The following GMDS variants were observed in gnomAD, a reference collection of about 807,000 sequenced individuals.
GMDS encodes the protein GDP-mannose 4,6-dehydratase, also known as GDP-mannose 4,6 dehydratase.
Under a neutral mutation model 49.9 loss-of-function variants are expected in GMDS, and 20 were observed. That is an observed-to-expected ratio of 0.40 (90% CI 0.28 to 0.58). The LOEUF (loss-of-function observed/expected upper bound fraction) is 0.58. GMDS is among the 20% of genes least tolerant of loss of function. The pLI is 0.42. For synonymous variants in GMDS, 177 were observed against 178.6 expected, an observed-to-expected ratio of 0.99 and a Z score of 0.07; for missense variants, 362 against 481.4, an observed-to-expected ratio of 0.75 and a Z score of 2.32.
chr6:1,652,698 TTA>T (rs57897372), intron 9 of GMDS, among the ~76,000 whole-genome samples: 447 of 1,886 alleles, frequency 0.24, 162 homozygotes, highest in East Asian at 0.53. Flanking sequence ...ATATAATATA[TTA>T]TATATATATA....
At chr6:1,763,841 G>A (rs969599368) in intron 7 of GMDS, among the ~76,000 whole-genome samples, 2 of 152,174 alleles carry the variant, frequency 1.3e-5, no homozygotes, top group African/African-American at 2.4e-5. Context: ...GTGAACATCC[G>A]CTCCTGAGAG....
At chr6:2,208,863 A>G (rs1322780221) in intron 1 of GMDS, among the ~76,000 whole-genome samples, 1 of 151,842 alleles carries the variant, frequency 6.6e-6, no homozygotes, top group African/African-American at 2.4e-5. Flanking sequence ...TTAAAAAAAA[A>G]AAAAAAACTA....
At chr6:1,807,805 AAC>A (rs1236991797) in intron 7 of GMDS, among the ~76,000 whole-genome samples, 1 of 152,236 alleles carries the variant, frequency 6.6e-6, no homozygotes, top group Non-Finnish European at 1.5e-5. Flanking sequence ...TTCTCAAAGA[AAC>A]ACAGAATATC....
intron 7 of GMDS, among the ~76,000 whole-genome samples, chr6:1,791,947 C>T (rs1383288420): frequency 1.3e-5 from 2 of 152,080 alleles, no homozygotes; most frequent in Admixed American, 6.5e-5. Context: ...TTCAGAGTCC[C>T]CTTTCAATAC....
At position 2,245,485 on chromosome 6, in the gene GMDS, G is replaced by T; in HGVS notation, c.-63C>A. 2 of 931,728 alleles carry T rather than the reference G, an allele frequency of 2.1e-6. No individual in the cohort carries two copies. The highest frequency in any genetic ancestry group is 4.7e-5 in the South Asian group (2 of 42,922). The allele number at this position is 931,728 out of a possible 1,614,324, so 57.7% of individuals were successfully genotyped here. On this transcript the variant is annotated 5_prime_UTR_variant, in exon 1 of 11. Coordinates refer to ENST00000380815, the MANE Select transcript of GMDS (RefSeq NM_001500.4). ...CGCGGCAGAGGGCAGGCGCGGTGCC[G>T]GCAGGAACGCGGGGGTGTGCAGCAC...
chr6:1,718,979 T>C (rs1035406583), intron 9 of GMDS, among the ~76,000 whole-genome samples: 10 of 152,110 alleles, frequency 6.6e-5, no homozygotes, highest in African/African-American at 2.4e-4. Context: ...CACCAGGTTT[T>C]CATGGGGGCA....
chr6:1,821,611 GTTTTT>G (rs3039703), intron 7 of GMDS, among the ~76,000 whole-genome samples: 16 of 109,840 alleles, frequency 1.5e-4, no homozygotes, highest in African/African-American at 3.1e-4. Flanking sequence ...CAATTTATTT[GTTTTT>G]TTTTTTTTTT....
intron 7 of GMDS, among the ~76,000 whole-genome samples, chr6:1,846,802 T>C (rs1381149670): frequency 1.3e-5 from 2 of 152,212 alleles, no homozygotes; most frequent in African/African-American, 2.4e-5. Flanking sequence ...TTTGAGCAGG[T>C]ATTTTACAAA....
intron 7 of GMDS, among the ~76,000 whole-genome samples, chr6:1,893,079 C>T (rs1318887232): frequency 6.6e-6 from 1 of 152,280 alleles, no homozygotes; most frequent in East Asian, 1.9e-4. Flanking sequence ...GCTTCCCCAT[C>T]CACCTCCTTC....
At chr6:1,793,897 A>G (rs1015632582) in intron 7 of GMDS, among the ~76,000 whole-genome samples, 1 of 152,216 alleles carries the variant, frequency 6.6e-6, no homozygotes, top group African/African-American at 2.4e-5. Context: ...TACTCAGTTT[A>G]AAATATAATG....
intron 1 of GMDS, among the ~76,000 whole-genome samples, chr6:2,151,561 T>C (rs1776845488): frequency 6.6e-6 from 1 of 152,074 alleles, no homozygotes; most frequent in Admixed American, 6.5e-5. Flanking sequence ...TCTGAGATAA[T>C]GTATAAAAGC....
chr6:1,766,892 A>C lies in GMDS; in HGVS notation c.772-24306T>G, dbSNP rs1255143043. On this transcript the variant is annotated intron_variant, in intron 7 of 10. Transcript: ENST00000380815. The surrounding 1 kb of genome is among the most constrained non-coding windows in gnomAD (Gnocchi z 4.5). The stretch of plus-strand genomic sequence containing the variant: ...GGTCAGCTAGGTCTCCCAGCTCAGC[A>C]ATCTGGCTTAAAGGAGCACCGGGTA... Among the ~76,000 whole-genome samples, 1 of 152,240 alleles carries C rather than the reference A, an allele frequency of 6.6e-6. No homozygotes were observed. Among genetic ancestry groups the C allele is most frequent in the Non-Finnish European group, 1.5e-5 (1 of 68,042 alleles).
rs368483165 is a variant in GMDS at position 1,930,275 on chromosome 6, A to G, written c.644-45T>C. The G allele has an allele frequency of 5.8e-6, 9 of 1,565,066 alleles. No homozygotes were observed. The African/African-American group carries it at 1.2e-4, about 21-fold the overall frequency. ...GTAGTATCAGTCAAGTGCACTTGAC[A>G]CATTTAACAGTTTGGTGAACCAAAC... On this transcript the variant is annotated intron_variant, in intron 6 of 10. Coordinates refer to ENST00000380815, the MANE Select transcript of GMDS (RefSeq NM_001500.4).
intron 4 of GMDS, among the ~76,000 whole-genome samples, chr6:2,087,779 C>T (rs1314177105): frequency 6.6e-6 from 1 of 152,178 alleles, no homozygotes; most frequent in African/African-American, 2.4e-5. Context: ...TGCCTATTTG[C>T]TCTCAAATAT....
rs190825111 is a variant in GMDS at position 1,789,456 on chromosome 6, C to T, written c.772-46870G>A. ...AGGATGTAGTCTCCCTCCTAGGAATCAGGACAAAGGCCAAATTCTTTATTA... is the reference window on the plus strand; with the variant it reads ...AGGATGTAGTCTCCCTCCTAGGAATTAGGACAAAGGCCAAATTCTTTATTA... On this transcript the variant is annotated intron_variant, in intron 7 of 10. Transcript: ENST00000380815. 4.3e-3 allele frequency among the ~76,000 whole-genome samples: 654 copies of T among 152,048 alleles called. 2 individuals are homozygous for T. The highest frequency in any genetic ancestry group is 7.1e-3 in the Admixed American group (109 of 15,276).
At chr6:1,961,897 C>T (rs1251196579) in intron 4 of GMDS, among the ~76,000 whole-genome samples, 1 of 152,136 alleles carries the variant, frequency 6.6e-6, no homozygotes, top group Non-Finnish European at 1.5e-5. Context: ...GGTATTCAGG[C>T]AACTGCTCAC....
intron 9 of GMDS, among the ~76,000 whole-genome samples, chr6:1,713,932 G>T (rs1766075566): frequency 6.6e-6 from 1 of 152,170 alleles, no homozygotes; most frequent in Non-Finnish European, 1.5e-5. Context: ...CTATTCTAGT[G>T]CATTTGACTG....
At chr6:1,633,757 C>T (rs536391914) in intron 9 of GMDS, among the ~76,000 whole-genome samples, 2 of 152,224 alleles carry the variant, frequency 1.3e-5, no homozygotes, top group African/African-American at 4.8e-5. Flanking sequence ...AGCCCATGAC[C>T]ACGAGGCTGG....
chr6:2,169,931 C>T (rs904445666), intron 1 of GMDS, among the ~76,000 whole-genome samples: 2 of 151,304 alleles, frequency 1.3e-5, no homozygotes, highest in African/African-American at 2.4e-5. Context: ...TGGCTGGGCG[C>T]GGTGGCTCAC....
Sources: gnomAD v4.1 joint callset for allele counts (sites outside exome capture counted in the v4.1 genomes callset) on GRCh38, gnomAD v4.1.1 for gene constraint, Gnocchi (gnomAD v3.1) non-coding constraint, MANE v1.5 for transcripts, NCBI Gene and HGNC (gene_info 2026-07-23, HGNC 2026-07-21) for gene names.